The following PPFIBP1 variants were observed in gnomAD, a reference collection of about 807,000 sequenced individuals.
PPFIBP1 encodes liprin-beta-1.
PPFIBP1 carries 112 observed loss-of-function variants against 137.8 expected under a neutral mutation model. The ratio of observed to expected loss-of-function variants is 0.81; its 90% CI spans 0.70 to 0.95. The LOEUF (loss-of-function observed/expected upper bound fraction) is 0.95. Ranked by LOEUF, PPFIBP1 falls within the 40% of genes least tolerant of loss-of-function variation. The pLI is 0.00. For missense variants in PPFIBP1, 1,083 were observed against 1,196.6 expected, an observed-to-expected ratio of 0.91 and a Z score of 1.40; for synonymous variants, 378 against 417.3, an observed-to-expected ratio of 0.91 and a Z score of 1.15.
chr12:27,550,234 G>C (rs767245149), intron 1 of PPFIBP1, among the ~76,000 whole-genome samples: 1 of 152,190 alleles, frequency 6.6e-6, no homozygotes, highest in Non-Finnish European at 1.5e-5. Flanking sequence ...AAGGCTCCGG[G>C]TGGGGTGTTT....
Position 27,682,658 on chromosome 12 carries a change from T to G in PPFIBP1, c.2202T>G (p.Phe734Leu), listed in dbSNP as rs764302367. The change falls in exon 24 of 30, where the codon TTT becomes TTG. Residue 734 changes from phenylalanine to leucine, a missense_variant. Transcript: ENST00000228425. ...DIGLPQYKTQ[F>L]DEGRVDGRML... ...GCCTCCCTCAATATAAGACCCAGTT[T>G]GATGAAGGACGGGTTGATGGTCGAA... 1.9e-6 allele frequency: 3 copies of G among 1,614,190 alleles called. No homozygotes were observed. The Admixed American group carries it at 5.0e-5, about 27-fold the overall frequency.
rs1223721736 is a variant in PPFIBP1, at chr12:27,581,445, A to G, written c.-36+3206A>G. Reference sequence around the variant, plus strand: ...AGGCCAAGGAAGGCTGTGGGACTGTATGGTTAGCTATTCACTCAGGCTTGC... The same window carrying G: ...AGGCCAAGGAAGGCTGTGGGACTGTGTGGTTAGCTATTCACTCAGGCTTGC... On this transcript the variant is annotated intron_variant, in intron 2 of 29. Coordinates refer to ENST00000228425, the MANE Select transcript of PPFIBP1 (RefSeq NM_003622.4). Among the ~76,000 whole-genome samples the G allele has an allele frequency of 3.9e-5, 6 of 152,268 alleles. No homozygotes were observed. The South Asian group carries it at 1.0e-3, about 26-fold the overall frequency.
chr12:27,684,720 C>A (rs1260340070), intron 24 of PPFIBP1, among the ~76,000 whole-genome samples: 1 of 140,258 alleles, frequency 7.1e-6, no homozygotes, highest in Non-Finnish European at 1.6e-5. Context: ...TTCTCAATAA[C>A]CCTTTTAGTT....
At position 27,687,525 on chromosome 12, in the gene PPFIBP1, AG is replaced by A; in HGVS notation, c.2370+20del. 1 of 1,611,956 alleles carries A rather than the reference AG, an allele frequency of 6.2e-7. No individual in the cohort carries two copies. Reference sequence around the variant, plus strand: ...CTGATGAGGTAGTGTTTTAAGATTGAGGTTTATAAGCATGCACTTCCCAGGC... The same window carrying A: ...CTGATGAGGTAGTGTTTTAAGATTGAGTTTATAAGCATGCACTTCCCAGGC... On this transcript the variant is annotated intron_variant, in intron 25 of 29. Coordinates refer to ENST00000228425, the MANE Select transcript of PPFIBP1 (RefSeq NM_003622.4).
intron 2 of PPFIBP1, among the ~76,000 whole-genome samples, chr12:27,597,445 C>T (rs141507407): frequency 7.0e-4 from 107 of 152,206 alleles, no homozygotes; most frequent in African/African-American, 2.2e-3. Context: ...TGAGCCACCG[C>T]GACCGGCCAC....
At chr12:27,620,967 C>T (rs949947319) in intron 2 of PPFIBP1, among the ~76,000 whole-genome samples, 5 of 152,108 alleles carry the variant, frequency 3.3e-5, no homozygotes, top group African/African-American at 9.7e-5. Context: ...TTTTCCTCTT[C>T]TATTTTCTTT....
chr12:27,563,255 C>T lies in PPFIBP1; in HGVS notation c.-123-14897C>T, dbSNP rs919070046. ...AAGAGATCAAGACCATCCTGGCTAA[C>T]ACGGTGAAAACCCATCTCTACTAAA... On this transcript the variant is annotated intron_variant, in intron 1 of 29. Coordinates refer to ENST00000228425, the MANE Select transcript of PPFIBP1 (RefSeq NM_003622.4). Among the ~76,000 whole-genome samples the T allele has an allele frequency of 6.7e-5, 7 of 104,314 alleles. No individual in the cohort carries two copies. In the East Asian group the frequency reaches 2.0e-3, roughly 29 times the overall value. The allele number at this position is 104,314 out of a possible 152,430, so 68.4% of individuals were successfully genotyped here. A position where few individuals can be genotyped will look rare whatever the true frequency, so the allele number is the denominator to read the frequency against.
intron 25 of PPFIBP1, 64 bp downstream of exon 25, chr12:27,687,571 G>C: frequency 6.6e-7 from 1 of 1,514,014 alleles, no homozygotes; most frequent in Non-Finnish European, 8.9e-7. Context: ...TCCATGTGTC[G>C]AAACTAAGAG....
intron 2 of PPFIBP1, among the ~76,000 whole-genome samples, chr12:27,630,645 A>G (rs1267574020): frequency 6.6e-6 from 1 of 152,184 alleles, no homozygotes; most frequent in Non-Finnish European, 1.5e-5. Context: ...ATATTTCAGT[A>G]GCTTTAGGGG....
intron 14 of PPFIBP1, 37 bp downstream of exon 14, chr12:27,671,583 A>G (rs1593279051): frequency 1.5e-6 from 2 of 1,309,052 alleles, no homozygotes; most frequent in East Asian, 2.5e-5. Flanking sequence ...TAAATGTTCA[A>G]AAAAGTAGAT....
At chr12:27,620,335 C>A (rs186658780) in intron 2 of PPFIBP1, among the ~76,000 whole-genome samples, 20 of 152,284 alleles carry the variant, frequency 1.3e-4, no homozygotes, top group African/African-American at 4.3e-4. Flanking sequence ...GGACCACATT[C>A]CCTACTAACC....
At chr12:27,576,493 G>A (rs756908070) in intron 1 of PPFIBP1, among the ~76,000 whole-genome samples, 7 of 152,206 alleles carry the variant, frequency 4.6e-5, no homozygotes, top group Non-Finnish European at 1.0e-4. Context: ...TCATGGAAGT[G>A]TAGGTGCCCT....
At chr12:27,625,003 G>GGT (rs2056690410) in intron 2 of PPFIBP1, among the ~76,000 whole-genome samples, 1 of 152,160 alleles carries the variant, frequency 6.6e-6, no homozygotes, top group South Asian at 2.1e-4. Context: ...GGGTGCAGTG[G>GGT]CTCACACCTC....
At chr12:27,639,169 T>C (rs2057920081) in intron 4 of PPFIBP1, among the ~76,000 whole-genome samples, 1 of 152,216 alleles carries the variant, frequency 6.6e-6, no homozygotes, top group Non-Finnish European at 1.5e-5. Context: ...TCTAGGCTTC[T>C]GGAAATGAAC....
At chr12:27,675,279 C>A (rs1031378528) in intron 17 of PPFIBP1, among the ~76,000 whole-genome samples, 3 of 152,094 alleles carry the variant, frequency 2.0e-5, no homozygotes, top group Non-Finnish European at 1.5e-5. Context: ...GTGGTGACAG[C>A]TATAATTAAA....
intron 13 of PPFIBP1, among the ~76,000 whole-genome samples, chr12:27,668,922 A>T (rs916742294): frequency 1.3e-5 from 2 of 152,120 alleles, no homozygotes; most frequent in Non-Finnish European, 2.9e-5. Context: ...TCACCTGAAG[A>T]CCATGTTTTC....
chr12:27,659,431 T>G (rs1455765423), intron 10 of PPFIBP1, among the ~76,000 whole-genome samples: 1 of 138,400 alleles, frequency 7.2e-6, no homozygotes, highest in Non-Finnish European at 1.6e-5. Flanking sequence ...GGCAACATAG[T>G]GAGATCCTGT....
Position 27,694,935 on chromosome 12 carries a change from T to G in PPFIBP1, c.*2053T>G, listed in dbSNP as rs1429268065. On this transcript the variant is annotated 3_prime_UTR_variant, in exon 30 of 30. Transcript: ENST00000228425. Reference sequence around the variant, plus strand: ...AGAACTTGTAATATCAAATTACTATTTATTCATAACAATTGATTTGATGCT... The same window carrying G: ...AGAACTTGTAATATCAAATTACTATGTATTCATAACAATTGATTTGATGCT... The G allele has an allele frequency of 6.6e-6, 1 of 152,210 alleles. No homozygotes were observed. Among genetic ancestry groups the G allele is most frequent in the African/African-American group, 2.4e-5 (1 of 41,450 alleles). The allele number at this position is 152,210 out of a possible 1,614,324, so 9.4% of individuals were successfully genotyped here.
At chr12:27,532,459 AT>A (rs56200812) in intron 1 of PPFIBP1, among the ~76,000 whole-genome samples, 2,415 of 144,064 alleles carry the variant, frequency 0.017, 29 homozygotes, top group African/African-American at 0.038. Context: ...GGAACTTTGT[AT>A]TTTTTTTTTT....
Sources: gnomAD v4.1 joint callset for allele counts (sites outside exome capture counted in the v4.1 genomes callset) on GRCh38, gnomAD v4.1.1 for gene constraint, MANE v1.5 for transcripts, NCBI Gene and HGNC (gene_info 2026-07-23, HGNC 2026-07-21) for gene names.